ARHGAP32: variants seen among roughly 807,000 people sequenced by gnomAD.
ARHGAP32 encodes rho GTPase-activating protein 32.
In ARHGAP32, 51 loss-of-function variants were observed where a neutral mutation model predicts 186.5. That is an observed-to-expected ratio of 0.27 (90% CI 0.22 to 0.35). The LOEUF is 0.35. Ranked by LOEUF, ARHGAP32 falls within the 10% of genes least tolerant of loss-of-function variation. ARHGAP32 has a pLI of 1.00. For synonymous variants in ARHGAP32, 950 were observed against 964.3 expected, an observed-to-expected ratio of 0.99 and a Z score of 0.27; for missense variants, 2,186 against 2,623.5, an observed-to-expected ratio of 0.83 and a Z score of 3.64.
chr11:129,159,108 G>C (rs1943474725), intron 2 of ARHGAP32, among the ~76,000 whole-genome samples: 1 of 152,184 alleles, frequency 6.6e-6, no homozygotes, highest in Non-Finnish European at 1.5e-5. Flanking sequence ...AAGTGGGAAA[G>C]ATCTAAAATT....
At chr11:129,137,954 T>C (rs943686511) in intron 2 of ARHGAP32, among the ~76,000 whole-genome samples, 9 of 151,876 alleles carry the variant, frequency 5.9e-5, no homozygotes, top group Admixed American at 1.3e-4. Context: ...AGGAAGGAGG[T>C]AGAATATCAC....
intron 1 of ARHGAP32, among the ~76,000 whole-genome samples, chr11:129,187,332 G>A (rs1372437499): frequency 1.3e-5 from 2 of 151,378 alleles, no homozygotes; most frequent in Non-Finnish European, 2.9e-5. Context: ...TAAACTCATG[G>A]ACACAGAGAG....
intron 1 of ARHGAP32, among the ~76,000 whole-genome samples, chr11:129,172,167 T>A (rs1227903547): frequency 6.6e-6 from 1 of 152,158 alleles, no homozygotes; most frequent in African/African-American, 2.4e-5. Context: ...TATTTCTTTC[T>A]CTTGCCTGAC....
chr11:129,108,662 T>TA (rs1411871669), intron 5 of ARHGAP32, among the ~76,000 whole-genome samples: 2 of 152,178 alleles, frequency 1.3e-5, no homozygotes, highest in Non-Finnish European at 2.9e-5. Flanking sequence ...AGTGGGTTGT[T>TA]GATATTTTGT....
chr11:128,980,394 C>T (rs575103904), intron 18 of ARHGAP32, 159 bp downstream of exon 18: 11 of 487,122 alleles, frequency 2.3e-5, no homozygotes, highest in African/African-American at 4.0e-5. Flanking sequence ...CCCCATGAAG[C>T]GGTAAGTATC....
intron 1 of ARHGAP32, among the ~76,000 whole-genome samples, chr11:129,277,061 T>C (rs983270927): frequency 2.6e-5 from 4 of 152,256 alleles, no homozygotes; most frequent in African/African-American, 9.6e-5. Flanking sequence ...ATTCTTCTGC[T>C]ACCACAGCCT....
chr11:128,972,637 T>A lies in ARHGAP32; in HGVS notation c.3869A>T (p.Lys1290Met). The A allele has an allele frequency of 6.2e-7, 1 of 1,613,028 alleles. No individual in the cohort carries two copies. The highest frequency in any genetic ancestry group is 1.1e-5 in the South Asian group (1 of 90,936). Residue 1290 changes from lysine to methionine, a missense_variant, in exon 22 of 23, where the codon AAG becomes ATG. Lys to Met is a moderately conservative substitution (Grantham distance 95). Around this residue, in one of 5 missense-constraint regions of ARHGAP32, gnomAD observed 1,502 missense variants for 1,570.0 expected, o/e 0.96. Transcript: ENST00000682385. ...TTCAGCCACATCCCAGCTGGCTTCC[T>A]TGGTGCTCATTTGGGCTGTTGCTGG... ...TTPATAQMST[K>M]EASWDVAEQP... is the part of the protein sequence containing the mutation.
At chr11:129,210,675 G>A (rs1210118800) in intron 1 of ARHGAP32, among the ~76,000 whole-genome samples, 2 of 152,136 alleles carry the variant, frequency 1.3e-5, no homozygotes, top group African/African-American at 4.8e-5. Context: ...ACGTACTGGT[G>A]GAGCTTTGAG....
At position 129,020,786 on chromosome 11, in the gene ARHGAP32, T is replaced by A. The variant is rs568575513; in HGVS notation, c.1045+20142A>T. Among the ~76,000 whole-genome samples the A allele has an allele frequency of 1.2e-3, 190 of 152,042 alleles. 2 individuals carry two copies. The highest frequency in any genetic ancestry group is 3.4e-3 in the Middle Eastern group (1 of 294). ...TCCTATCCCAAGTATATGTCAAAAA[T>A]TTTTTTTAGATAAATTGAGTCTTGA... On this transcript the variant is annotated intron_variant, in intron 11 of 22. Transcript: ENST00000682385.
intron 7 of ARHGAP32, among the ~76,000 whole-genome samples, chr11:129,065,432 A>C (rs1487405944): frequency 6.6e-6 from 1 of 152,122 alleles, no homozygotes; most frequent in Non-Finnish European, 1.5e-5. Context: ...CCCAGGAATT[A>C]GGAATTGTGA....
chr11:129,238,056 C>T (rs1272474936), intron 1 of ARHGAP32, among the ~76,000 whole-genome samples: 1 of 152,096 alleles, frequency 6.6e-6, no homozygotes, highest in East Asian at 1.9e-4. Flanking sequence ...AGTCAAGTCA[C>T]CACAGTGCCA....
chr11:129,068,402 T>A (rs1254222182), intron 6 of ARHGAP32, among the ~76,000 whole-genome samples: 2 of 152,116 alleles, frequency 1.3e-5, no homozygotes, highest in East Asian at 3.9e-4. Context: ...ACTCCTTTAT[T>A]TTCTCAGTTC....
intron 1 of ARHGAP32, among the ~76,000 whole-genome samples, chr11:129,273,411 G>C (rs1267393338): frequency 6.6e-6 from 1 of 152,128 alleles, no homozygotes; most frequent in African/African-American, 2.4e-5. Flanking sequence ...CAAGAAGGAA[G>C]GTCTGTCAGA....
chr11:129,023,444 G>T (rs1938690178), intron 11 of ARHGAP32, among the ~76,000 whole-genome samples: 1 of 152,004 alleles, frequency 6.6e-6, no homozygotes, highest in Non-Finnish European at 1.5e-5. Context: ...ATCAATAATT[G>T]AAATATTATT....
chr11:129,246,683 T>C (rs971962008), intron 1 of ARHGAP32, among the ~76,000 whole-genome samples: 4 of 152,216 alleles, frequency 2.6e-5, no homozygotes, highest in Non-Finnish European at 5.9e-5. Context: ...TATAGGTCAC[T>C]AGTGGCAATT....
intron 11 of ARHGAP32, among the ~76,000 whole-genome samples, chr11:129,003,313 T>A (rs1415238220): frequency 6.6e-6 from 1 of 152,234 alleles, no homozygotes; most frequent in Non-Finnish European, 1.5e-5. Flanking sequence ...ATTTTTTGCA[T>A]CAATATTCAT....
At chr11:129,188,165 A>G (rs1016604425) in intron 1 of ARHGAP32, among the ~76,000 whole-genome samples, 14 of 152,144 alleles carry the variant, frequency 9.2e-5, no homozygotes, top group African/African-American at 3.4e-4. Flanking sequence ...CATGTTGGCC[A>G]GGCTGATCTC....
chr11:129,207,895 C>T (rs1314373341), intron 1 of ARHGAP32, among the ~76,000 whole-genome samples: 1 of 152,124 alleles, frequency 6.6e-6, no homozygotes, highest in African/African-American at 2.4e-5. Flanking sequence ...AGGCATGGCA[C>T]ATTTAGAGGT....
intron 2 of ARHGAP32, among the ~76,000 whole-genome samples, chr11:129,147,453 C>CA (rs1234371392): frequency 2.6e-5 from 4 of 151,946 alleles, no homozygotes; most frequent in African/African-American, 7.2e-5. Flanking sequence ...GAAAAAGAGG[C>CA]AAAAAAAGTT....
Sources: allele counts gnomAD v4.1 joint callset (sites outside exome capture counted in the v4.1 genomes callset), GRCh38; gene constraint gnomAD v4.1.1; regional missense constraint gnomAD v4.1.1; transcripts MANE v1.5; gene names NCBI Gene and HGNC (gene_info 2026-07-23, HGNC 2026-07-21).